Variants in COL4A5 observed in about 807,000 individuals in gnomAD.
The protein encoded by COL4A5 is collagen type IV alpha 5 chain.
In COL4A5, 26 loss-of-function variants were observed where a neutral mutation model predicts 130.2. The observed-to-expected ratio is 0.20, with a 90% CI of 0.15 to 0.28. The LOEUF is 0.28. Ranked by LOEUF, COL4A5 falls within the 10% of genes least tolerant of loss-of-function variation. The pLI, the probability that COL4A5 is intolerant of heterozygous loss-of-function variation, is 1.00. For missense variants in COL4A5, 1,131 were observed against 1,344.3 expected, an observed-to-expected ratio of 0.84 and a Z score of 2.48; for synonymous variants, 496 against 439.6, an observed-to-expected ratio of 1.13 and a Z score of -1.60.
intron 2 of COL4A5, among the ~76,000 whole-genome samples, chrX:108,540,712 T>A (rs1421652548): frequency 8.9e-6 from 1 of 112,032 alleles, no homozygotes; most frequent in Admixed American, 9.5e-5. Context: ...TGGCAGGGGA[T>A]TCCAGGAGTG....
At chrX:108,511,602 A>T (rs1018894479) in intron 1 of COL4A5, among the ~76,000 whole-genome samples, 1 of 111,999 alleles carries the variant, frequency 8.9e-6, no homozygotes, top group Admixed American at 9.5e-5. Context: ...TGGTGCTGAC[A>T]TAAGGATAGA....
At chrX:108,605,654 G>T (rs986608540) in intron 28 of COL4A5, among the ~76,000 whole-genome samples, 1 of 112,039 alleles carries the variant, frequency 8.9e-6, no homozygotes, top group Non-Finnish European at 1.9e-5. Flanking sequence ...TTTGTAAAAA[G>T]TGCAGTGTCT....
At chrX:108,571,760 C>T (rs780861892) in intron 7 of COL4A5, 51 bp from the exon 8 acceptor site, 8 of 915,509 alleles carry the variant, frequency 8.7e-6, no homozygotes, top group African/African-American at 2.0e-5. Flanking sequence ...CTGTAATTGG[C>T]GTGTTTCTCT....
At chrX:108,572,773 A>G (rs2066086297) in intron 8 of COL4A5, among the ~76,000 whole-genome samples, 1 of 111,880 alleles carries the variant, frequency 8.9e-6, no homozygotes, top group South Asian at 3.7e-4. Flanking sequence ...GTGTTCATTG[A>G]TAATTTAATA....
At chrX:108,609,254 G>A (rs2066786515) in intron 29 of COL4A5, among the ~76,000 whole-genome samples, 1 of 111,803 alleles carries the variant, frequency 8.9e-6, no homozygotes, top group East Asian at 2.8e-4. Context: ...CACCAAAGTG[G>A]TTCAGAAATT....
chrX:108,670,113 C>G (rs1349909760), intron 41 of COL4A5, 115 bp from the exon 42 acceptor site: 10 of 815,577 alleles, frequency 1.2e-5, no homozygotes, highest in Non-Finnish European at 1.8e-5. Flanking sequence ...TGAATTTTAA[C>G]TTGAAAGTAT....
At chrX:108,487,886 T>A (rs1369600675) in intron 1 of COL4A5, among the ~76,000 whole-genome samples, 1 of 112,443 alleles carries the variant, frequency 8.9e-6, no homozygotes, top group East Asian at 2.8e-4. Context: ...AATAAAATGG[T>A]ACCTTTCGTT....
intron 37 of COL4A5, among the ~76,000 whole-genome samples, chrX:108,661,116 A>G (rs1353961620): frequency 1.8e-5 from 2 of 111,932 alleles, no homozygotes; most frequent in Non-Finnish European, 3.8e-5. Flanking sequence ...ATACCATCTA[A>G]GTTTGTGTAA....
At chrX:108,495,100 G>A (rs2065022910) in intron 1 of COL4A5, among the ~76,000 whole-genome samples, 2 of 111,448 alleles carry the variant, frequency 1.8e-5, no homozygotes, top group South Asian at 3.7e-4. Context: ...AGGAGCAAAA[G>A]CAATTTAATA....
chrX:108,518,838 C>G (rs986525951), intron 1 of COL4A5, among the ~76,000 whole-genome samples: 8 of 110,788 alleles, frequency 7.2e-5, no homozygotes, highest in Non-Finnish European at 1.5e-4. Context: ...GTGTTCATCC[C>G]TAATTTAATT....
At chrX:108,522,360 C>T (rs920005531) in intron 1 of COL4A5, among the ~76,000 whole-genome samples, 1 of 106,400 alleles carries the variant, frequency 9.4e-6, no homozygotes, top group African/African-American at 3.4e-5. Flanking sequence ...TAGGAACTGC[C>T]CGACTTTTAT....
At chrX:108,576,419 G>C (rs1232381912) in intron 10 of COL4A5, among the ~76,000 whole-genome samples, 4 of 111,553 alleles carry the variant, frequency 3.6e-5, no homozygotes, top group Non-Finnish European at 5.7e-5. Context: ...TGAGGGGAGT[G>C]ATCACTATGC....
At chrX:108,565,465 T>A (rs1205333686) in intron 4 of COL4A5, among the ~76,000 whole-genome samples, 1 of 111,996 alleles carries the variant, frequency 8.9e-6, no homozygotes, top group Non-Finnish European at 1.9e-5. Flanking sequence ...AATGAAAACT[T>A]CAGCATGTCC....
intron 1 of COL4A5, among the ~76,000 whole-genome samples, chrX:108,441,322 A>G (rs904171198): frequency 1.1e-4 from 12 of 112,326 alleles, no homozygotes; most frequent in Non-Finnish European, 1.5e-4. Flanking sequence ...AGGCCTTCAC[A>G]TGGTTGAGTG....
chrX:108,474,485 G>T (rs142240754), intron 1 of COL4A5, among the ~76,000 whole-genome samples: 521 of 111,789 alleles, frequency 4.7e-3, no homozygotes, highest in Non-Finnish European at 8.2e-3. Flanking sequence ...GTTTGTGCAG[G>T]TACACTCTAT....
chrX:108,559,301 TTATTG>T, intron 3 of COL4A5, 148 bp downstream of exon 3: 1 of 501,904 alleles, frequency 2.0e-6, no homozygotes, highest in Middle Eastern at 3.9e-4. Context: ...AGTCTGTACT[TTATTG>T]TATTTTGTTA....
chrX:108,546,907 C>G (rs2065667479), intron 2 of COL4A5, among the ~76,000 whole-genome samples: 1 of 112,365 alleles, frequency 8.9e-6, no homozygotes, highest in East Asian at 2.8e-4. Flanking sequence ...GAATTGGCTA[C>G]TGAAACTTGT....
At chrX:108,614,747 A>G (rs1287731462) in intron 29 of COL4A5, among the ~76,000 whole-genome samples, 164 bp from the exon 30 acceptor site, 3 of 112,270 alleles carry the variant, frequency 2.7e-5, no homozygotes, top group Admixed American at 1.9e-4. Context: ...ATAAGGCTGT[A>G]ACTATTAATA....
At position 108,692,860 on chromosome X, in the gene COL4A5, C is replaced by A. The variant is rs747105248; in HGVS notation, c.4641C>A (p.Thr1547=). The change falls in exon 50 of 53, where the codon ACC becomes ACA. Residue 1547 remains threonine (T), a synonymous_variant. Coordinates refer to ENST00000328300, the MANE Select transcript of COL4A5 (RefSeq NM_033380.3). ...ATGACTATTCTTACTGGCTCTCTAC[C>A]CCAGAGCCCATGCCAATGAGCATGC... The part of the protein sequence containing the change: ...SRNDYSYWLS[T]PEPMPMSMQP... 7.4e-6 allele frequency: 9 copies of A among 1,210,295 alleles called. No individual in the cohort carries two copies. Among genetic ancestry groups the A allele is most frequent in the Non-Finnish European group, 1.0e-5 (9 of 894,287 alleles).
Sources: gnomAD v4.1 joint callset for allele counts (sites outside exome capture counted in the v4.1 genomes callset) on GRCh38, gnomAD v4.1.1 for gene constraint, MANE v1.5 for transcripts, NCBI Gene and HGNC (gene_info 2026-07-23, HGNC 2026-07-21) for gene names.